RBPMS: variants seen among roughly 807,000 people sequenced by gnomAD.
The protein encoded by RBPMS is RNA-binding protein with multiple splicing.
RBPMS carries 7 observed loss-of-function variants against 26.8 expected under a neutral mutation model. That is an observed-to-expected ratio of 0.26 (90% CI 0.15 to 0.49). The LOEUF (loss-of-function observed/expected upper bound fraction) is 0.49. Ranked by LOEUF, RBPMS falls within the 20% of genes least tolerant of loss-of-function variation. The probability of loss-of-function intolerance (pLI) is 0.98; values close to 1 mark genes in which losing one functional copy is unlikely to be tolerated. For missense variants in RBPMS, 186 were observed against 250.0 expected, an observed-to-expected ratio of 0.74 and a Z score of 1.73; for synonymous variants, 96 against 93.3, an observed-to-expected ratio of 1.03 and a Z score of -0.17.
intron 6 of RBPMS, among the ~76,000 whole-genome samples, chr8:30,554,022 C>A (rs1223787749): frequency 6.6e-6 from 1 of 152,136 alleles, no homozygotes; most frequent in Non-Finnish European, 1.5e-5. Context: ...ATGATCCACC[C>A]GCCTCAGCCT....
chr8:30,516,903 T>TACACACACAC (rs139256402), intron 5 of RBPMS, among the ~76,000 whole-genome samples: 28 of 147,390 alleles, frequency 1.9e-4, no homozygotes, highest in East Asian at 1.5e-3. Flanking sequence ...CATCTCTAAA[T>TACACACACAC]ACACACACAC....
At chr8:30,440,127 G>A (rs1812909975) in intron 1 of RBPMS, among the ~76,000 whole-genome samples, 1 of 152,014 alleles carries the variant, frequency 6.6e-6, no homozygotes, top group Non-Finnish European at 1.5e-5. Context: ...TTTTGGAGAC[G>A]GGGTCTCATT....
intron 5 of RBPMS, among the ~76,000 whole-genome samples, chr8:30,539,660 C>G (rs181931045): frequency 1.8e-4 from 27 of 147,548 alleles, no homozygotes; most frequent in Admixed American, 1.4e-3. Context: ...GAGTCTCGCT[C>G]TGTCGCCCAG....
chr8:30,563,154 G>A (rs769333190), intron 7 of RBPMS, among the ~76,000 whole-genome samples: 1 of 152,088 alleles, frequency 6.6e-6, no homozygotes, highest in Non-Finnish European at 1.5e-5. Context: ...TGCTGTTCCT[G>A]TGGCATAAGC....
intron 1 of RBPMS, among the ~76,000 whole-genome samples, chr8:30,435,203 T>A (rs931395783): frequency 3.3e-5 from 5 of 152,198 alleles, no homozygotes; most frequent in African/African-American, 4.8e-5. Context: ...ACACAATTAC[T>A]TAAAATATTA....
At chr8:30,468,028 A>G (rs117897467) in intron 1 of RBPMS, among the ~76,000 whole-genome samples, 4,514 of 152,114 alleles carry the variant, frequency 0.03, 101 homozygotes, top group Non-Finnish European at 0.048. Context: ...TAAAAACCCT[A>G]AGAGAATTAA....
chr8:30,468,185 T>C (rs1676515140), intron 1 of RBPMS, among the ~76,000 whole-genome samples: 1 of 152,210 alleles, frequency 6.6e-6, no homozygotes. Flanking sequence ...CCAAAAAACT[T>C]CAAGTATGAA....
chr8:30,434,590 G>T (rs1291114727), intron 1 of RBPMS, among the ~76,000 whole-genome samples: 6 of 151,614 alleles, frequency 4.0e-5, no homozygotes, highest in Admixed American at 6.6e-5. Context: ...TGTAAACCCA[G>T]CTACCCAGGA....
chr8:30,543,819 A>T (rs1164874788), intron 5 of RBPMS, among the ~76,000 whole-genome samples: 1 of 152,156 alleles, frequency 6.6e-6, no homozygotes, highest in Non-Finnish European at 1.5e-5. Context: ...TTTTCCCCTA[A>T]AAGTTAGTCT....
At chr8:30,499,741 CTG>C (rs1398136871) in intron 4 of RBPMS, among the ~76,000 whole-genome samples, 1 of 152,132 alleles carries the variant, frequency 6.6e-6, no homozygotes, top group Non-Finnish European at 1.5e-5. Flanking sequence ...CAACTAAGTG[CTG>C]TGTGATTCTG....
Position 30,517,212 on chromosome 8 carries a change from G to GTA in RBPMS, c.397+12777_397+12778insAT, listed in dbSNP as rs1327911148. ...CCCGTGTGTGTGTGTGTGTGTGTGTGTGTGTGTGTGTGTGTGTGTGTGTGT... is the reference window on the plus strand; with the variant it reads ...CCCGTGTGTGTGTGTGTGTGTGTGTGTATGTGTGTGTGTGTGTGTGTGTGTGT... On this transcript the variant is annotated intron_variant, in intron 5 of 8. Transcript: ENST00000397323. Among the ~76,000 whole-genome samples the GTA allele has an allele frequency of 2.7e-3, 402 of 150,222 alleles. 3 individuals carry two copies. Among genetic ancestry groups the GTA allele is most frequent in the African/African-American group, 9.2e-3 (375 of 40,756 alleles).
intron 1 of RBPMS, chr8:30,387,140 A>T (rs1270615728): frequency 2.0e-5 from 3 of 152,154 alleles, no homozygotes; most frequent in Non-Finnish European, 4.4e-5. Context: ...ATGTGGCTCT[A>T]GAAAGTATCG....
chr8:30,535,766 C>G (rs1338543236), intron 5 of RBPMS, among the ~76,000 whole-genome samples: 1 of 152,084 alleles, frequency 6.6e-6, no homozygotes, highest in African/African-American at 2.4e-5. Context: ...AAATTTGGTA[C>G]AAATGTTGCT....
chr8:30,485,965 G>C (rs537553230), intron 4 of RBPMS, among the ~76,000 whole-genome samples: 4 of 152,340 alleles, frequency 2.6e-5, no homozygotes, highest in African/African-American at 9.6e-5. Flanking sequence ...GCATTTATAA[G>C]TAGTCTTCAG....
At position 30,572,166 on chromosome 8, in the gene RBPMS, C is replaced by A. The variant is rs1828279143; in HGVS notation, c.*1641C>A. On this transcript the variant is annotated 3_prime_UTR_variant, in exon 9 of 9. Coordinates refer to ENST00000397323, the MANE Select transcript of RBPMS (RefSeq NM_001008710.3). The stretch of plus-strand genomic sequence containing the variant: ...ATGACTGTACTCCTAAGGAAAATAG[C>A]CACTTCTGCAGTCTATTATGCTTTT... 6.6e-6 allele frequency: 1 copy of A among 152,152 alleles called. No individual in the cohort carries two copies. Among genetic ancestry groups the A allele is most frequent in the Non-Finnish European group, 1.5e-5 (1 of 68,026 alleles). 9.4% of individuals were successfully genotyped at this position (152,152 alleles called of 1,614,324 possible).
At chr8:30,412,197 A>C (rs1341239088) in intron 1 of RBPMS, among the ~76,000 whole-genome samples, 1 of 152,168 alleles carries the variant, frequency 6.6e-6, no homozygotes, top group East Asian at 1.9e-4. Flanking sequence ...TGTCTTTTGG[A>C]ACTGATAGTA....
chr8:30,519,922 C>T (rs571129253), intron 5 of RBPMS, among the ~76,000 whole-genome samples: 112 of 152,238 alleles, frequency 7.4e-4, no homozygotes, highest in African/African-American at 2.5e-3. Flanking sequence ...CCTCTATTTA[C>T]TGTAAATATA....
Position 30,570,726 on chromosome 8 carries a change from A to G in RBPMS, c.*201A>G, listed in dbSNP as rs988028045. ...TGTTTTTCTCGAAGAAAAAAATATAATTAATAAAAATGTTTTACTCTTTTA... is the reference window on the plus strand; with the variant it reads ...TGTTTTTCTCGAAGAAAAAAATATAGTTAATAAAAATGTTTTACTCTTTTA... On this transcript the variant is annotated 3_prime_UTR_variant, in exon 9 of 9. Transcript: ENST00000397323. 9.8e-5 allele frequency: 15 copies of G among 152,656 alleles called. No homozygotes were observed. The highest frequency in any genetic ancestry group is 3.4e-4 in the African/African-American group (14 of 41,456). 9.5% of individuals were successfully genotyped at this position (152,656 alleles called of 1,614,324 possible).
At chr8:30,543,216 C>G (rs1825566933) in intron 5 of RBPMS, among the ~76,000 whole-genome samples, 2 of 152,218 alleles carry the variant, frequency 1.3e-5, no homozygotes, top group Non-Finnish European at 2.9e-5. Context: ...CTGAGAGAAG[C>G]TCGTGCCATG....
Sources: allele counts gnomAD v4.1 joint callset (sites outside exome capture counted in the v4.1 genomes callset), GRCh38; gene constraint gnomAD v4.1.1; transcripts MANE v1.5; gene names NCBI Gene and HGNC (gene_info 2026-07-23, HGNC 2026-07-21).